Variants in ZBBX observed in about 807,000 individuals in gnomAD.
The protein encoded by ZBBX is zinc finger B-box domain containing.
In ZBBX, 101 loss-of-function variants were observed where a neutral mutation model predicts 108.5. The ratio of observed to expected loss-of-function variants is 0.93; its 90% CI spans 0.79 to 1.10. The LOEUF is 1.10. Among genes scored for constraint, ZBBX ranks in the 50% least tolerant of loss-of-function variants. The probability of loss-of-function intolerance (pLI) is 0.00; values close to 1 mark genes in which losing one functional copy is unlikely to be tolerated. For missense variants in ZBBX, 1,009 were observed against 941.4 expected (o/e 1.07, Z -0.94); for synonymous variants, 356 against 323.4 (o/e 1.10, Z -1.08).
intron 20 of ZBBX, among the ~76,000 whole-genome samples, chr3:167,271,258 C>G (rs926470559): frequency 2.0e-5 from 3 of 152,066 alleles, no homozygotes; most frequent in Admixed American, 2.0e-4. Context: ...AGTTAATCAC[C>G]CAAGTATTAG....
chr3:167,244,823 C>T (rs954596880), intron 20 of ZBBX, among the ~76,000 whole-genome samples: 3 of 152,012 alleles, frequency 2.0e-5, no homozygotes, highest in African/African-American at 4.8e-5. Flanking sequence ...AGTAAGAGTA[C>T]CTTCTCTGAT....
the ZBBX span, among the ~76,000 whole-genome samples, chr3:167,181,502 A>C: frequency 1.3e-5 from 2 of 152,228 alleles, no homozygotes; most frequent in Non-Finnish European, 2.9e-5. Flanking sequence ...GAAATGATTG[A>C]AATGTTCACT....
At chr3:167,207,188 C>CT in the ZBBX span, among the ~76,000 whole-genome samples, 2 of 152,102 alleles carry the variant, frequency 1.3e-5, no homozygotes, top group African/African-American at 4.8e-5. Context: ...AAAAGGCAGC[C>CT]TATTTGTGAA....
At chr3:167,360,071 C>G in intron 7 of ZBBX, 92 bp from the exon 8 acceptor site, 4 of 513,834 alleles carry the variant, frequency 7.8e-6, no homozygotes, top group Non-Finnish European at 9.4e-6. Flanking sequence ...TACTTCCCAT[C>G]TCTGTATCAA....
At chr3:167,187,700 A>G in the ZBBX span, among the ~76,000 whole-genome samples, 1 of 152,212 alleles carries the variant, frequency 6.6e-6, no homozygotes, top group African/African-American at 2.4e-5. Context: ...AAATGAGCCC[A>G]ACAAATATGT....
the ZBBX span, among the ~76,000 whole-genome samples, chr3:167,179,443 A>G: frequency 6.6e-6 from 1 of 152,268 alleles, no homozygotes; most frequent in East Asian, 1.9e-4. Flanking sequence ...GATTCCCTGC[A>G]GTCAAAGGTC....
intron 8 of ZBBX, among the ~76,000 whole-genome samples, chr3:167,358,531 A>G (rs1743964976): frequency 6.6e-6 from 1 of 152,176 alleles, no homozygotes; most frequent in Non-Finnish European, 1.5e-5. Flanking sequence ...TGTTATATGT[A>G]TTTCACTATA....
the ZBBX span, among the ~76,000 whole-genome samples, chr3:167,205,899 A>G: frequency 2.0e-5 from 3 of 152,258 alleles, no homozygotes; most frequent in East Asian, 1.9e-4. Flanking sequence ...AAAAAAATAT[A>G]TAGTAATTCT....
chr3:167,252,258 T>C (rs1212172299), intron 20 of ZBBX: 1 of 1,103,352 alleles, frequency 9.1e-7, no homozygotes, highest in Non-Finnish European at 1.2e-6. Context: ...TACACAATAA[T>C]GCAGCTTTCA....
intron 20 of ZBBX, among the ~76,000 whole-genome samples, chr3:167,272,108 G>C (rs114240322): frequency 2.0e-5 from 3 of 152,282 alleles, no homozygotes; most frequent in Admixed American, 6.5e-5. Flanking sequence ...TAGTTCTAGA[G>C]ACTCAGTTAC....
intron 20 of ZBBX, among the ~76,000 whole-genome samples, chr3:167,242,845 T>G (rs529979649): frequency 1.3e-5 from 2 of 152,294 alleles, no homozygotes; most frequent in East Asian, 3.9e-4. Context: ...TAGCAAGTCA[T>G]TTTTATCATA....
intron 12 of ZBBX, among the ~76,000 whole-genome samples, chr3:167,320,715 A>G (rs1736294681): frequency 6.6e-6 from 1 of 152,060 alleles, no homozygotes; most frequent in Non-Finnish European, 1.5e-5. Flanking sequence ...ATCTGTAATA[A>G]GATATATTGA....
intron 8 of ZBBX, among the ~76,000 whole-genome samples, chr3:167,352,998 C>T (rs1742938608): frequency 6.6e-6 from 1 of 152,104 alleles, no homozygotes; most frequent in African/African-American, 2.4e-5. Flanking sequence ...CATAAGACAA[C>T]AAACCCCAGC....
At chr3:167,367,464 T>G (rs1187751018) in intron 5 of ZBBX, among the ~76,000 whole-genome samples, 1 of 151,758 alleles carries the variant, frequency 6.6e-6, no homozygotes. Context: ...ACGTAGCCAC[T>G]AAGAAAATTA....
At chr3:167,314,950 T>G (rs56816630) in intron 15 of ZBBX, among the ~76,000 whole-genome samples, 4,276 of 152,280 alleles carry the variant, frequency 0.028, 205 homozygotes, top group African/African-American at 0.097. Flanking sequence ...AACAGAAAGT[T>G]GTCTCCCGCC....
At chr3:167,300,758 C>A (rs1732516288) in intron 17 of ZBBX, among the ~76,000 whole-genome samples, 1 of 151,860 alleles carries the variant, frequency 6.6e-6, no homozygotes, top group Admixed American at 6.6e-5. Context: ...GTTGGGATTA[C>A]AGGCACCTGC....
chr3:167,233,526 T>C, the ZBBX span, among the ~76,000 whole-genome samples: 123,358 of 151,548 alleles, frequency 0.81, 50,619 homozygotes, highest in African/African-American at 0.92. Flanking sequence ...TGATCATCAA[T>C]GGCCATCCTT....
intron 5 of ZBBX, among the ~76,000 whole-genome samples, chr3:167,367,296 A>C (rs548967080): frequency 6.6e-6 from 1 of 151,982 alleles, no homozygotes; most frequent in East Asian, 1.9e-4. Context: ...CATTGACCTA[A>C]AATTACAGAG....
chr3:167,292,092 A>C (rs1165107165), intron 18 of ZBBX, among the ~76,000 whole-genome samples: 1 of 152,144 alleles, frequency 6.6e-6, no homozygotes, highest in African/African-American at 2.4e-5. Context: ...GTAGACTCCT[A>C]TACAATAATA....
Sources: allele counts gnomAD v4.1 joint callset (sites outside exome capture counted in the v4.1 genomes callset), GRCh38; gene constraint gnomAD v4.1.1; transcripts MANE v1.5; gene names NCBI Gene and HGNC (gene_info 2026-07-23, HGNC 2026-07-21).